The following ZNF280D variants were observed in gnomAD, a reference collection of about 807,000 sequenced individuals.
ZNF280D encodes suppressor of hairy wing homolog 4.
ZNF280D carries 39 observed loss-of-function variants against 94.7 expected under a neutral mutation model. The ratio of observed to expected loss-of-function variants is 0.41; its 90% CI spans 0.32 to 0.54. The LOEUF is 0.54. ZNF280D is among the 20% of genes least tolerant of loss of function. The probability of loss-of-function intolerance (pLI) is 0.22; values close to 1 mark genes in which losing one functional copy is unlikely to be tolerated. For missense variants in ZNF280D, 1,090 were observed against 1,149.3 expected, an observed-to-expected ratio of 0.95 and a Z score of 0.75; for synonymous variants, 398 against 377.6, an observed-to-expected ratio of 1.05 and a Z score of -0.63.
chr15:56,654,170 A>C (rs1596362350), intron 19 of ZNF280D, 28 bp downstream of exon 19: 1 of 1,600,172 alleles, frequency 6.2e-7, no homozygotes. Flanking sequence ...CATCAAAGTA[A>C]AATGCACTGA....
Position 56,689,029 on chromosome 15 carries a change from A to G in ZNF280D, c.780+12T>C, listed in dbSNP as rs767712181. 1 of 1,557,972 alleles carries G rather than the reference A, an allele frequency of 6.4e-7. No homozygotes were observed. The highest frequency in any genetic ancestry group is 2.3e-5 in the East Asian group (1 of 43,992). On this transcript the variant is annotated intron_variant, in intron 9 of 21. Transcript: ENST00000267807. ...CAAACTTTTTACAAATTAAATTTTG[A>G]AAGAGTTTTACCTTCATGTGATTTT...
At position 56,707,098 on chromosome 15, in the gene ZNF280D, G is replaced by T; in HGVS notation, c.12C>A (p.Asn4Lys). Residue 4 changes from asparagine to lysine, a missense_variant, in exon 3 of 22, where the codon AAC becomes AAA. Physicochemically the swap from Asn to Lys is moderately conservative, Grantham distance 94 (BLOSUM62 0). Transcript: ENST00000267807. MGD[N>K]PFQPKSNSKM... ...AACACTTACTTTTTGGTTGAAAAGGGTTGTCGCCCATCAAGCTGCAGAGAT... is the reference window on the plus strand; with the variant it reads ...AACACTTACTTTTTGGTTGAAAAGGTTTGTCGCCCATCAAGCTGCAGAGAT... The T allele has an allele frequency of 3.1e-6, 5 of 1,613,902 alleles. No homozygotes were observed. In the South Asian group the frequency reaches 5.5e-5, roughly 18 times the overall value.
At chr15:56,665,933 T>C (rs563607421) in intron 16 of ZNF280D, among the ~76,000 whole-genome samples, 1 of 152,176 alleles carries the variant, frequency 6.6e-6, no homozygotes, top group South Asian at 2.1e-4. Context: ...GTCAGCAGTT[T>C]GAGACCAGCC....
chr15:56,697,477 G>A (rs1348536639), intron 6 of ZNF280D, among the ~76,000 whole-genome samples: 6 of 152,266 alleles, frequency 3.9e-5, no homozygotes, highest in East Asian at 1.9e-4. Flanking sequence ...GAGCCACCAC[G>A]CCCAGCCACC....
chr15:56,731,781 AAGGT>A (rs1485070866), intron 1 of ZNF280D, among the ~76,000 whole-genome samples: 1 of 152,202 alleles, frequency 6.6e-6, no homozygotes, highest in Admixed American at 6.5e-5. Flanking sequence ...ATATGGCAAA[AAGGT>A]AGCGTTAAAA....
intron 13 of ZNF280D, among the ~76,000 whole-genome samples, chr15:56,674,942 C>T (rs2055114445): frequency 6.6e-6 from 1 of 151,964 alleles, no homozygotes; most frequent in Non-Finnish European, 1.5e-5. Flanking sequence ...TTGTCTAATA[C>T]TTTGGTAATA....
chr15:56,637,169 A>AT (rs10659333), intron 20 of ZNF280D, among the ~76,000 whole-genome samples: 96,418 of 138,604 alleles, frequency 0.7, 34,185 homozygotes, highest in Non-Finnish European at 0.78. Context: ...TCCAGAATGA[A>AT]TTTTTTTTTT....
chr15:56,717,659 C>T (rs2058116406), intron 1 of ZNF280D, among the ~76,000 whole-genome samples: 1 of 151,922 alleles, frequency 6.6e-6, no homozygotes, highest in African/African-American at 2.4e-5. Flanking sequence ...TCACCTAATC[C>T]TCAAAAACTC....
intron 3 of ZNF280D, among the ~76,000 whole-genome samples, chr15:56,706,825 G>A (rs2057432667): frequency 6.6e-6 from 1 of 151,920 alleles, no homozygotes; most frequent in African/African-American, 2.4e-5. Context: ...TTTAATTTTT[G>A]TCTATGTACA....
At chr15:56,666,314 A>G in intron 16 of ZNF280D, 81 bp downstream of exon 16, 1 of 1,494,356 alleles carries the variant, frequency 6.7e-7, no homozygotes, top group Non-Finnish European at 9.1e-7. Context: ...ACTGGCTTCT[A>G]ATAGGATAAC....
Position 56,707,185 on chromosome 15 carries a change from T to G in ZNF280D, c.-41-35A>C. 1.9e-6 allele frequency: 3 copies of G among 1,610,582 alleles called. No homozygotes were observed. The South Asian group carries it at 3.3e-5, about 18-fold the overall frequency. On this transcript the variant is annotated intron_variant, in intron 2 of 21. Coordinates refer to ENST00000267807, the MANE Select transcript of ZNF280D (RefSeq NM_017661.4). ...GATATCAGTCAATTTAATGAGTCACTTTAAGTAACACCAAATATTGAAACA... is the reference window on the plus strand; with the variant it reads ...GATATCAGTCAATTTAATGAGTCACGTTAAGTAACACCAAATATTGAAACA...
chr15:56,654,132 C>A, intron 19 of ZNF280D, 66 bp downstream of exon 19: 1 of 1,558,502 alleles, frequency 6.4e-7, no homozygotes, highest in Non-Finnish European at 8.6e-7. Context: ...ATTAATGATA[C>A]ATTTAAAAAT....
chr15:56,643,539 C>T (rs970758750), intron 19 of ZNF280D, among the ~76,000 whole-genome samples: 4 of 151,574 alleles, frequency 2.6e-5, no homozygotes, highest in Non-Finnish European at 4.4e-5. Context: ...TTAAAACCTC[C>T]ATAAGCACTG....
At chr15:56,707,056 G>C (rs1345107132) in intron 3 of ZNF280D, 26 bp downstream of exon 3, 2 of 1,607,460 alleles carry the variant, frequency 1.2e-6, no homozygotes, top group Non-Finnish European at 1.7e-6. Flanking sequence ...ACATATATTA[G>C]TATTAGTTGT....
intron 19 of ZNF280D, chr15:56,653,854 A>G: frequency 2.4e-6 from 3 of 1,242,186 alleles, no homozygotes; most frequent in Non-Finnish European, 3.0e-6. Context: ...AAAATATGTT[A>G]AGATATGTCA....
At chr15:56,659,928 A>G (rs1157085727) in intron 16 of ZNF280D, among the ~76,000 whole-genome samples, 1 of 151,982 alleles carries the variant, frequency 6.6e-6, no homozygotes, top group Non-Finnish European at 1.5e-5. Flanking sequence ...ATATATATAC[A>G]TATATTCCTA....
chr15:56,676,274 A>T (rs2055226347), intron 13 of ZNF280D, among the ~76,000 whole-genome samples: 1 of 151,802 alleles, frequency 6.6e-6, no homozygotes, highest in Non-Finnish European at 1.5e-5. Flanking sequence ...GAAAAATAAG[A>T]TTATAAATCC....
chr15:56,666,702 G>C lies in ZNF280D; in HGVS notation c.1830C>G (p.Val610=), dbSNP rs61745739. 125 of 1,609,312 alleles carry C rather than the reference G, an allele frequency of 7.8e-5. No homozygotes were observed. The African/African-American group carries it at 1.6e-3, about 21-fold the overall frequency. Residue 610 remains valine, a synonymous_variant, in exon 15 of 22, where the codon GTC becomes GTG. Coordinates refer to ENST00000267807, the MANE Select transcript of ZNF280D (RefSeq NM_017661.4). ...TLASSNKKSK[V]NTALRNLRYR... ...ACCTTAAATTCCTCAATGCTGTATT[G>C]ACTTTACTTTTTTTATTGCTACTAG...
At chr15:56,636,000 A>T (rs1299877002) in intron 20 of ZNF280D, among the ~76,000 whole-genome samples, 1 of 152,182 alleles carries the variant, frequency 6.6e-6, no homozygotes, top group Non-Finnish European at 1.5e-5. Flanking sequence ...AGTAGTAAAG[A>T]TTCAAATCTA....
Sources: gnomAD v4.1 joint callset for allele counts (sites outside exome capture counted in the v4.1 genomes callset) on GRCh38, gnomAD v4.1.1 for gene constraint, MANE v1.5 for transcripts, NCBI Gene and HGNC (gene_info 2026-07-23, HGNC 2026-07-21) for gene names.